GPR141: variants seen among roughly 807,000 people sequenced by gnomAD.
GPR141 encodes the protein G protein-coupled receptor 141.
GPR141 carries 6 observed loss-of-function variants against 6.8 expected under a neutral mutation model. The observed-to-expected ratio is 0.88, with a 90% CI of 0.48 to 1.74. The LOEUF (loss-of-function observed/expected upper bound fraction) is 1.74. Ranked by LOEUF, GPR141 falls within the 40% of genes most tolerant of loss-of-function variation. GPR141 has a pLI of 0.01. For synonymous variants in GPR141, 140 were observed against 142.3 expected (o/e 0.98, Z 0.11); for missense variants, 372 against 372.9 (o/e 1.00, Z 0.02).
At chr7:37,710,322 A>G (rs898613355) in intron 2 of GPR141, among the ~76,000 whole-genome samples, 1 of 152,146 alleles carries the variant, frequency 6.6e-6, no homozygotes, top group African/African-American at 2.4e-5. Flanking sequence ...TTACTCAGCT[A>G]CATGCAACTA....
At chr7:37,693,500 A>G (rs757080807) in intron 2 of GPR141, among the ~76,000 whole-genome samples, 1 of 152,104 alleles carries the variant, frequency 6.6e-6, no homozygotes, top group Non-Finnish European at 1.5e-5. Flanking sequence ...GAGGAGTCAC[A>G]TACGGCTGTG....
intron 2 of GPR141, among the ~76,000 whole-genome samples, chr7:37,721,070 A>T (rs1811302626): frequency 6.6e-6 from 1 of 152,204 alleles, no homozygotes. Flanking sequence ...GCAGTGAAGA[A>T]ATGTCACTTT....
intron 2 of GPR141, among the ~76,000 whole-genome samples, chr7:37,697,082 A>G (rs530954974): frequency 5.9e-5 from 9 of 152,342 alleles, no homozygotes; most frequent in African/African-American, 2.2e-4. Context: ...TTATATATGT[A>G]AAACTAATGC....
intron 2 of GPR141, among the ~76,000 whole-genome samples, chr7:37,728,596 T>G (rs1468068237): frequency 6.6e-6 from 1 of 152,282 alleles, no homozygotes; most frequent in East Asian, 1.9e-4. Flanking sequence ...CATATCTCAC[T>G]TTTGACATTG....
intron 1 of GPR141, chr7:37,685,231 T>C (rs1387374523): frequency 6.6e-6 from 1 of 152,210 alleles, no homozygotes; most frequent in African/African-American, 2.4e-5. Flanking sequence ...TAAGAGATGC[T>C]CAGCTAAGGG....
At chr7:37,738,311 G>T (rs1368478272) in intron 2 of GPR141, among the ~76,000 whole-genome samples, 4 of 152,216 alleles carry the variant, frequency 2.6e-5, no homozygotes, top group African/African-American at 9.7e-5. Flanking sequence ...CTTGGGACAA[G>T]TGATGTGCTA....
intron 2 of GPR141, 101 bp from the exon 3 acceptor site, chr7:37,740,279 A>T: frequency 2.7e-6 from 2 of 728,552 alleles, no homozygotes; most frequent in South Asian, 3.4e-5. Flanking sequence ...TTTATATCAT[A>T]TAAGCACATA....
At chr7:37,734,972 TA>T (rs1312380677) in intron 2 of GPR141, among the ~76,000 whole-genome samples, 1 of 152,224 alleles carries the variant, frequency 6.6e-6, no homozygotes, top group Non-Finnish European at 1.5e-5. Flanking sequence ...TTATAAAAGT[TA>T]GGGAACTAAT....
intron 2 of GPR141, among the ~76,000 whole-genome samples, chr7:37,717,258 C>G (rs770437349): frequency 3.3e-5 from 5 of 152,160 alleles, no homozygotes; most frequent in Non-Finnish European, 7.4e-5. Flanking sequence ...GTTTTCAAAG[C>G]TACAAAAGGA....
rs780900599 is a variant in GPR141 at position 37,741,250 on chromosome 7, G to C, written c.857G>C (p.Gly286Ala). 6.2e-7 allele frequency: 1 copy of C among 1,610,904 alleles called. No individual in the cohort carries two copies. Among genetic ancestry groups the C allele is most frequent in the Admixed American group, 1.7e-5 (1 of 59,816 alleles). Residue 286 changes from glycine to alanine, a missense_variant, in exon 3 of 3, where the codon GGG (glycine) becomes GCG (alanine). Physicochemically the swap from Gly to Ala is moderately conservative, Grantham distance 60. Coordinates refer to ENST00000334425, the MANE Select transcript of GPR141 (RefSeq NM_001381946.1). ...SCYDLLLFVFGGSHWFKQKII... is the reference protein window; with the variant it reads ...SCYDLLLFVFAGSHWFKQKII... ...TATGATTTGCTTCTCTTTGTCTTTG[G>C]GGGAAGCCATTGGTTTAAGCAAAAG...
intron 2 of GPR141, among the ~76,000 whole-genome samples, chr7:37,720,713 G>T (rs368319136): frequency 6.7e-6 from 1 of 148,508 alleles, no homozygotes; most frequent in East Asian, 2.0e-4. Flanking sequence ...TGCACTCCAG[G>T]CTGGGCAAAA....
At chr7:37,706,396 T>A (rs1810523823) in intron 2 of GPR141, among the ~76,000 whole-genome samples, 1 of 152,162 alleles carries the variant, frequency 6.6e-6, no homozygotes, top group Non-Finnish European at 1.5e-5. Flanking sequence ...TTTAGTGAAC[T>A]TTAAACAGCA....
At chr7:37,711,995 A>G (rs1810820087) in intron 2 of GPR141, among the ~76,000 whole-genome samples, 1 of 152,252 alleles carries the variant, frequency 6.6e-6, no homozygotes, top group Non-Finnish European at 1.5e-5. Context: ...CCTTCATTTC[A>G]TAACAATTCA....
chr7:37,740,162 C>T (rs551471258), intron 2 of GPR141, among the ~76,000 whole-genome samples: 4 of 152,182 alleles, frequency 2.6e-5, no homozygotes, highest in East Asian at 1.9e-4. Flanking sequence ...GATTCAGATT[C>T]GATTTTTATT....
chr7:37,712,179 G>T (rs552270724), intron 2 of GPR141, among the ~76,000 whole-genome samples: 2 of 152,176 alleles, frequency 1.3e-5, no homozygotes, highest in African/African-American at 4.8e-5. Context: ...TCCCAAGGGG[G>T]AGAGTGGGTG....
intron 2 of GPR141, among the ~76,000 whole-genome samples, 171 bp downstream of exon 2, chr7:37,685,754 T>C (rs1403597960): frequency 3.0e-5 from 3 of 100,190 alleles, no homozygotes; most frequent in African/African-American, 1.7e-4. Flanking sequence ...TGGCAGCACT[T>C]TTTTTTTTTT....
chr7:37,740,293 G>T, intron 2 of GPR141, 87 bp from the exon 3 acceptor site: 1 of 801,254 alleles, frequency 1.2e-6, no homozygotes, highest in East Asian at 2.4e-5. Context: ...GCACATAAAT[G>T]GCAAAGTCAC....
intron 2 of GPR141, among the ~76,000 whole-genome samples, chr7:37,732,853 T>G (rs1812040102): frequency 6.6e-6 from 1 of 152,182 alleles, no homozygotes; most frequent in African/African-American, 2.4e-5. Context: ...AACTTAGTTC[T>G]GATTGGGAGA....
intron 2 of GPR141, among the ~76,000 whole-genome samples, chr7:37,694,317 T>C (rs1809920900): frequency 6.6e-6 from 1 of 152,182 alleles, no homozygotes; most frequent in South Asian, 2.1e-4. Context: ...TGGGAGGCAA[T>C]GCACAGCCTT....
Sources: gnomAD v4.1 joint callset for allele counts (sites outside exome capture counted in the v4.1 genomes callset) on GRCh38, gnomAD v4.1.1 for gene constraint, MANE v1.5 for transcripts, NCBI Gene and HGNC (gene_info 2026-07-23, HGNC 2026-07-21) for gene names.